Variants in ADGRB1 observed in about 807,000 individuals in gnomAD.
ADGRB1 encodes brain-specific angiogenesis inhibitor 1.
A neutral mutation model predicts 175.7 loss-of-function variants in ADGRB1; 36 were observed. The observed-to-expected ratio is 0.20, with a 90% CI of 0.16 to 0.27. The LOEUF is 0.27. Among genes scored for constraint, ADGRB1 ranks in the 10% least tolerant of loss-of-function variants. ADGRB1 has a pLI of 1.00. For missense variants in ADGRB1, 1,731 were observed against 2,255.3 expected (o/e 0.77, Z 4.71); for synonymous variants, 1,054 against 979.4 (o/e 1.08, Z -1.42).
In ADGRB1 at chr8:142,537,370, C is replaced by T. The variant is rs1844993848; in HGVS notation, c.3666+288C>T. Among the ~76,000 whole-genome samples, 1 of 152,072 alleles carries T rather than the reference C, an allele frequency of 6.6e-6. No individual in the cohort carries two copies. Among genetic ancestry groups the T allele is most frequent in the Non-Finnish European group, 1.5e-5 (1 of 67,992 alleles). ...CAGCAGTGCCCGTCTGGCTGGACAC[C>T]ACCCTCTGAGCATCCCAGCCCTCAA... On this transcript the variant is annotated intron_variant, in intron 26 of 30. Coordinates refer to ENST00000517894, the MANE Select transcript of ADGRB1 (RefSeq NM_001702.3). The surrounding 1 kb of genome is among the most constrained non-coding windows in gnomAD (Gnocchi z 4.6).
chr8:142,497,847 G>A (rs530326122), intron 17 of ADGRB1, among the ~76,000 whole-genome samples: 26 of 152,350 alleles, frequency 1.7e-4, no homozygotes, highest in African/African-American at 4.3e-4. Flanking sequence ...GCAGGGGCTC[G>A]TGGCAGCTTT....
chr8:142,491,821 G>A lies in ADGRB1; in HGVS notation c.2675+1006G>A, dbSNP rs1331671608. On this transcript the variant is annotated intron_variant, in intron 17 of 30. Transcript: ENST00000517894. ...GGCACTTGTGATGGTCCCTTGCGTGGTGGGTAGTTCAGTGACAAGGGAAGG... is the reference window on the plus strand; with the variant it reads ...GGCACTTGTGATGGTCCCTTGCGTGATGGGTAGTTCAGTGACAAGGGAAGG... Among the ~76,000 whole-genome samples the A allele has an allele frequency of 2.0e-5, 3 of 152,334 alleles. No homozygotes were observed. The South Asian group carries it at 6.2e-4, about 32-fold the overall frequency.
Position 142,518,062 on chromosome 8 carries a change from G to A in ADGRB1, c.2818-76G>A, listed in dbSNP as rs77949034. 13,198 of 1,434,024 alleles carry A rather than the reference G, an allele frequency of 9.2e-3. 439 individuals are homozygous for A. Among genetic ancestry groups the A allele is most frequent in the African/African-American group, 0.091 (6,455 of 71,320 alleles). 88.8% of individuals were successfully genotyped at this position (1,434,024 alleles called of 1,614,324 possible). On this transcript the variant is annotated intron_variant, in intron 18 of 30. Transcript: ENST00000517894. ...GTGTGACCCGGGGCTGCGGGCTCTC[G>A]GGTCTCAGTCTTCGGGTCTGCCGAG...
At chr8:142,469,558 T>TATGCAC (rs1840512705) in intron 2 of ADGRB1, among the ~76,000 whole-genome samples, 2 of 149,304 alleles carry the variant, frequency 1.3e-5, no homozygotes, top group African/African-American at 5.0e-5. Context: ...CGTGCATGTG[T>TATGCAC]GTGAATGTGT....
At chr8:142,528,537 A>G (rs1844366176) in intron 24 of ADGRB1, among the ~76,000 whole-genome samples, 1 of 151,682 alleles carries the variant, frequency 6.6e-6, no homozygotes, top group East Asian at 1.9e-4. Flanking sequence ...TTTTAATTTC[A>G]CTTGCAGTCA....
At chr8:142,518,500 C>G (rs1159092001) in intron 19 of ADGRB1, among the ~76,000 whole-genome samples, 1 of 152,166 alleles carries the variant, frequency 6.6e-6, no homozygotes, top group Non-Finnish European at 1.5e-5. Flanking sequence ...CTCCCCTGAA[C>G]GTGCCCCCTT....
chr8:142,512,547 C>T (rs1331778237), intron 18 of ADGRB1, among the ~76,000 whole-genome samples: 7 of 152,296 alleles, frequency 4.6e-5, no homozygotes, highest in South Asian at 4.2e-4. Context: ...TCTCCCAGCC[C>T]GGTGTCAGGC....
At chr8:142,520,388 T>C (rs1843731642) in intron 19 of ADGRB1, among the ~76,000 whole-genome samples, 1 of 115,480 alleles carries the variant, frequency 8.7e-6, no homozygotes. Flanking sequence ...GTGGTGATGG[T>C]AGTGATTGTG....
At chr8:142,505,319 G>A (rs1182505229) in intron 17 of ADGRB1, among the ~76,000 whole-genome samples, 2 of 152,208 alleles carry the variant, frequency 1.3e-5, no homozygotes, top group Non-Finnish European at 2.9e-5. Flanking sequence ...CAAGAGCACA[G>A]GAGCCACAGT....
At chr8:142,456,574 GCA>G (rs1563673025) in intron 1 of ADGRB1, among the ~76,000 whole-genome samples, 2 of 152,080 alleles carry the variant, frequency 1.3e-5, no homozygotes, top group Admixed American at 6.5e-5. Context: ...CTCACCACAC[GCA>G]CACACGCACA....
rs1185908991 is a variant in ADGRB1 at position 142,477,430 on chromosome 8, G to C, written c.1268G>C (p.Ser423Thr). Reference sequence around the variant, plus strand: ...TGGTCGCCCTGGAGCCTCTGCTCCAGCACCTGTGGCCGTGGCTTTCGGGAT... The same window carrying C: ...TGGTCGCCCTGGAGCCTCTGCTCCACCACCTGTGGCCGTGGCTTTCGGGAT... ...DEWSPWSLCS[S>T]TCGRGFRDRT... The change falls in exon 6 of 31, where the codon AGC becomes ACC. Residue 423 changes from serine (S) to threonine (T), a missense_variant. Ser to Thr is a moderately conservative substitution (Grantham distance 58). This residue lies in a region of ADGRB1 where 3 missense variants were observed against 22.3 expected (regional missense o/e 0.13). Transcript: ENST00000517894. 1.2e-6 allele frequency: 2 copies of C among 1,611,702 alleles called. No homozygotes were observed. The highest frequency in any genetic ancestry group is 4.5e-5 in the East Asian group (2 of 44,878).
intron 9 of ADGRB1, among the ~76,000 whole-genome samples, chr8:142,480,186 G>A (rs973567497): frequency 6.6e-6 from 1 of 152,210 alleles, no homozygotes; most frequent in Non-Finnish European, 1.5e-5. Context: ...GGCTCCACGG[G>A]GAAGGGCTCG....
At chr8:142,502,234 T>C (rs1181836006) in intron 17 of ADGRB1, among the ~76,000 whole-genome samples, 2 of 134,492 alleles carry the variant, frequency 1.5e-5, no homozygotes, top group Non-Finnish European at 3.2e-5. Flanking sequence ...ATAGTGGTGA[T>C]GGTGATGGTG....
Position 142,455,178 on chromosome 8 carries a change from C to A in ADGRB1, c.-220+5074C>A, listed in dbSNP as rs1171408601. Among the ~76,000 whole-genome samples the A allele has an allele frequency of 6.6e-6, 1 of 150,724 alleles. No individual in the cohort carries two copies. The highest frequency in any genetic ancestry group is 2.0e-4 in the East Asian group (1 of 5,086). On this transcript the variant is annotated intron_variant, in intron 1 of 30. Coordinates refer to ENST00000517894, the MANE Select transcript of ADGRB1 (RefSeq NM_001702.3). The surrounding 1 kb of genome is among the most constrained non-coding windows in gnomAD (Gnocchi z 4.9). ...ACCCTGCCGCCGGCACCACACTGCA[C>A]CATCATTCCTATCTGACCCCACCTC...
intron 19 of ADGRB1, among the ~76,000 whole-genome samples, chr8:142,520,162 T>C (rs1843702716): frequency 8.1e-6 from 1 of 122,862 alleles, no homozygotes; most frequent in Middle Eastern, 5.1e-3. Context: ...ATGGTGGTGG[T>C]AGTGGTAGTG....
chr8:142,483,844 C>T (rs1291985202), intron 11 of ADGRB1, 133 bp from the exon 12 acceptor site: 4 of 933,074 alleles, frequency 4.3e-6, no homozygotes, highest in Non-Finnish European at 6.8e-6. Flanking sequence ...ACCCTGGTCA[C>T]ACACTGAGCC....
intron 6 of ADGRB1, 103 bp downstream of exon 6, chr8:142,477,652 C>T (rs1349432419): frequency 3.5e-6 from 5 of 1,418,722 alleles, no homozygotes; most frequent in African/African-American, 1.4e-5. Flanking sequence ...CCACTCCAGA[C>T]CCACCTCAGG....
intron 4 of ADGRB1, 145 bp downstream of exon 4, chr8:142,476,840 T>G: frequency 1.0e-6 from 1 of 993,656 alleles, no homozygotes; most frequent in Non-Finnish European, 1.4e-6. Context: ...GTCTCCTGAC[T>G]GCCTGGCATT....
At chr8:142,461,276 T>A (rs772132781) in intron 1 of ADGRB1, among the ~76,000 whole-genome samples, 24 of 152,090 alleles carry the variant, frequency 1.6e-4, no homozygotes, top group Non-Finnish European at 2.4e-4. Flanking sequence ...AGCATGCCCA[T>A]CTGTCAAATG....
Sources: gnomAD v4.1 joint callset for allele counts (sites outside exome capture counted in the v4.1 genomes callset) on GRCh38, gnomAD v4.1.1 for gene constraint, gnomAD v4.1.1 regional missense constraint, Gnocchi (gnomAD v3.1) non-coding constraint, MANE v1.5 for transcripts, NCBI Gene and HGNC (gene_info 2026-07-23, HGNC 2026-07-21) for gene names.